The following RAPGEF4 variants were observed in gnomAD, a reference collection of about 807,000 sequenced individuals.
RAPGEF4 encodes Rap guanine nucleotide exchange factor 4, also known as RAP guanine-nucleotide-exchange factor (GEF) 4.
RAPGEF4 carries 66 observed loss-of-function variants against 147.9 expected under a neutral mutation model. The observed-to-expected ratio is 0.45, with a 90% CI of 0.37 to 0.55. The LOEUF (loss-of-function observed/expected upper bound fraction) is 0.55, where lower values mean the gene tolerates loss of function less well. Ranked by LOEUF, RAPGEF4 falls within the 20% of genes least tolerant of loss-of-function variation. The pLI is 0.00. For missense variants in RAPGEF4, 1,071 were observed against 1,257.3 expected (o/e 0.85, Z 2.24); for synonymous variants, 419 against 442.7 (o/e 0.95, Z 0.67).
intron 17 of RAPGEF4, among the ~76,000 whole-genome samples, chr2:173,006,919 T>C (rs1251399546): frequency 6.6e-6 from 1 of 152,250 alleles, no homozygotes; most frequent in Non-Finnish European, 1.5e-5. Context: ...AATTTGCTTC[T>C]GCAGATATGC....
chr2:172,830,050 G>C (rs1196317985), intron 4 of RAPGEF4, among the ~76,000 whole-genome samples: 3 of 151,960 alleles, frequency 2.0e-5, no homozygotes, highest in Non-Finnish European at 4.4e-5. Flanking sequence ...ATTCTAATTG[G>C]ATAGGGGTCT....
chr2:172,781,497 T>C (rs1574815319), intron 1 of RAPGEF4, among the ~76,000 whole-genome samples: 1 of 152,194 alleles, frequency 6.6e-6, no homozygotes, highest in Non-Finnish European at 1.5e-5. Flanking sequence ...CTCTAACTCC[T>C]GGCCTCAAGC....
Position 172,814,390 on chromosome 2 carries a change from C to T in RAPGEF4, c.409C>T (p.Arg137Cys), listed in dbSNP as rs770406565. Residue 137 changes from arginine (R) to cysteine (C), a missense_variant, in exon 4 of 31, where the codon CGC (arginine) becomes TGC (cysteine). Coordinates refer to ENST00000397081, the MANE Select transcript of RAPGEF4 (RefSeq NM_007023.4). ...IVTRESSELL[R>C]IEQKDFKALW... The stretch of plus-strand genomic sequence containing the variant: ...TACCAGGGAGAGCAGTGAACTGCTC[C>T]GCATCGAGCAGAAGGACTTCAAGGC... 5.0e-6 allele frequency: 8 copies of T among 1,613,940 alleles called. No homozygotes were observed. The highest frequency in any genetic ancestry group is 1.3e-5 in the African/African-American group (1 of 74,870).
At chr2:172,837,661 A>G (rs1265102493) in intron 4 of RAPGEF4, among the ~76,000 whole-genome samples, 3 of 152,056 alleles carry the variant, frequency 2.0e-5, no homozygotes, top group Non-Finnish European at 4.4e-5. Flanking sequence ...TGTGGTCTTG[A>G]ACTCCTGGGT....
intron 4 of RAPGEF4, among the ~76,000 whole-genome samples, chr2:172,831,668 G>T (rs747927677): frequency 6.6e-6 from 1 of 152,082 alleles, no homozygotes; most frequent in Non-Finnish European, 1.5e-5. Flanking sequence ...TTGAAGTAAT[G>T]CATATGGTTA....
At chr2:172,792,054 C>T (rs942531463) in intron 1 of RAPGEF4, among the ~76,000 whole-genome samples, 5 of 152,220 alleles carry the variant, frequency 3.3e-5, no homozygotes, top group South Asian at 2.1e-4. Flanking sequence ...ATTCCTCCCA[C>T]GGTCACTTGC....
rs1322057986 is a variant in RAPGEF4, at chr2:172,964,030, CT to C, written c.699-1525del. Among the ~76,000 whole-genome samples, 4 of 152,158 alleles carry C rather than the reference CT, an allele frequency of 2.6e-5. No homozygotes were observed. In the East Asian group the frequency reaches 7.7e-4, roughly 29 times the overall value. On this transcript the variant is annotated intron_variant, in intron 8 of 30. Transcript: ENST00000397081. ...TGGGATCATCTCGAGTCTGTGTACT[CT>C]TTTTTTGTAAAGGTAATCACTGAAT...
At chr2:172,748,427 T>C (rs1694964752) in intron 1 of RAPGEF4, among the ~76,000 whole-genome samples, 1 of 152,152 alleles carries the variant, frequency 6.6e-6, no homozygotes, top group East Asian at 1.9e-4. Flanking sequence ...CTTACATTAG[T>C]GGCAGGCAAG....
intron 4 of RAPGEF4, among the ~76,000 whole-genome samples, chr2:172,856,211 C>T (rs569818555): frequency 1.8e-4 from 27 of 152,200 alleles, no homozygotes; most frequent in Non-Finnish European, 3.4e-4. Flanking sequence ...TTCACTGACA[C>T]ATTTTATTAT....
chr2:172,874,117 A>G (rs1695574212), intron 4 of RAPGEF4, among the ~76,000 whole-genome samples: 7 of 152,228 alleles, frequency 4.6e-5, no homozygotes. Flanking sequence ...AAATTAGTTC[A>G]ACCATTGTGG....
chr2:172,812,502 C>T (rs1439200420), intron 3 of RAPGEF4, among the ~76,000 whole-genome samples: 2 of 152,144 alleles, frequency 1.3e-5, no homozygotes, highest in South Asian at 2.1e-4. Context: ...AAGACAGGCT[C>T]ACGTGTGTCT....
intron 4 of RAPGEF4, among the ~76,000 whole-genome samples, chr2:172,830,736 CAGGGCTAT>C (rs1690207490): frequency 6.6e-6 from 1 of 152,148 alleles, no homozygotes; most frequent in Non-Finnish European, 1.5e-5. Context: ...CCTGTGTAGC[CAGGGCTAT>C]AGGCACGTGC....
chr2:172,979,712 G>A (rs928635289), intron 10 of RAPGEF4, among the ~76,000 whole-genome samples: 3 of 152,170 alleles, frequency 2.0e-5, no homozygotes, highest in African/African-American at 4.8e-5. Flanking sequence ...CATGTGCCAC[G>A]GAGGAATAAA....
intron 4 of RAPGEF4, among the ~76,000 whole-genome samples, chr2:172,848,914 T>TG (rs1248768607): frequency 6.6e-6 from 1 of 151,796 alleles, no homozygotes; most frequent in African/African-American, 2.4e-5. Flanking sequence ...GCTCAATTAG[T>TG]GAAAAAAAAG....
rs183665792 is a variant in RAPGEF4, at chr2:172,762,270, C to T, written c.65+26222C>T. On this transcript the variant is annotated intron_variant, in intron 1 of 30. Transcript: ENST00000397081. Reference sequence around the variant, plus strand: ...ATGTACAGCTCCTTCTGCTTCCTGACTTCTATCCAGCATTCCTCCCTCTCC... The same window carrying T: ...ATGTACAGCTCCTTCTGCTTCCTGATTTCTATCCAGCATTCCTCCCTCTCC... Among the ~76,000 whole-genome samples the T allele has an allele frequency of 3.3e-5, 5 of 152,346 alleles. 1 individual carries two copies. Among genetic ancestry groups the T allele is most frequent in the African/African-American group, 1.2e-4 (5 of 41,576 alleles).
intron 4 of RAPGEF4, among the ~76,000 whole-genome samples, chr2:172,817,875 GATATATAT>G (rs57719631): frequency 0.12 from 16,717 of 142,950 alleles, 1,008 homozygotes; most frequent in South Asian, 0.18. Context: ...AAGAAATTGT[GATATATAT>G]ATATATATAT....
At chr2:172,779,295 A>C (rs186811666) in intron 1 of RAPGEF4, among the ~76,000 whole-genome samples, 52 of 152,304 alleles carry the variant, frequency 3.4e-4, no homozygotes, top group African/African-American at 1.1e-3. Context: ...ATGCAGGGTA[A>C]GGGTGCTGTT....
intron 6 of RAPGEF4, among the ~76,000 whole-genome samples, chr2:172,936,392 T>C (rs921737564): frequency 6.6e-6 from 1 of 152,176 alleles, no homozygotes; most frequent in African/African-American, 2.4e-5. Context: ...CTGTAAATGC[T>C]ACCTCCCAGA....
At chr2:172,944,945 C>T (rs191207212) in intron 6 of RAPGEF4, among the ~76,000 whole-genome samples, 115 of 152,106 alleles carry the variant, frequency 7.6e-4, no homozygotes, top group Non-Finnish European at 1.1e-3. Context: ...CTAAAGTATG[C>T]GTGAGCCTCC....
Sources: allele counts gnomAD v4.1 joint callset (sites outside exome capture counted in the v4.1 genomes callset), GRCh38; gene constraint gnomAD v4.1.1; transcripts MANE v1.5; gene names NCBI Gene and HGNC (gene_info 2026-07-23, HGNC 2026-07-21).